Variants in MYO9B observed in about 807,000 individuals in gnomAD.
MYO9B encodes the protein myosin IXB, also known as unconventional myosin-IXb.
A neutral mutation model predicts 229.5 loss-of-function variants in MYO9B; 71 were observed. The observed-to-expected ratio is 0.31, with a 90% CI of 0.26 to 0.38. The LOEUF (loss-of-function observed/expected upper bound fraction) is 0.38, where lower values mean the gene tolerates loss of function less well. MYO9B is among the 10% of genes least tolerant of loss of function. The pLI is 1.00. For missense variants in MYO9B, 2,255 were observed against 2,920.5 expected, an observed-to-expected ratio of 0.77 and a Z score of 5.25; for synonymous variants, 1,185 against 1,235.8, an observed-to-expected ratio of 0.96 and a Z score of 0.86.
intron 2 of MYO9B, among the ~76,000 whole-genome samples, chr19:17,130,600 A>G (rs2072183135): frequency 6.6e-6 from 1 of 151,392 alleles, no homozygotes; most frequent in Admixed American, 6.6e-5. Flanking sequence ...AGCCTGGGTG[A>G]CAGAGCGAGA....
At chr19:17,094,165 A>G (rs2057666860) in intron 1 of MYO9B, among the ~76,000 whole-genome samples, 1 of 152,072 alleles carries the variant, frequency 6.6e-6, no homozygotes, top group South Asian at 2.1e-4. Context: ...CCTCCCGAGT[A>G]GCTGGGATTA....
intron 22 of MYO9B, among the ~76,000 whole-genome samples, chr19:17,197,080 A>G (rs2073050988): frequency 2.0e-5 from 3 of 152,088 alleles, no homozygotes; most frequent in Admixed American, 2.0e-4. Flanking sequence ...GTTTGAGACC[A>G]TCCTGGCCAA....
In MYO9B at chr19:17,211,972, C is replaced by G. The variant is rs369080977; in HGVS notation, c.6136C>G (p.Arg2046Gly). 1.3e-6 allele frequency: 2 copies of G among 1,580,628 alleles called. No homozygotes were observed. The highest frequency in any genetic ancestry group is 1.7e-6 in the Non-Finnish European group (2 of 1,165,054). The change falls in exon 40 of 40, where the codon CGA becomes GGA. Residue 2046 changes from arginine (R) to glycine (G), a missense_variant. Physicochemically the swap from Arg to Gly is moderately radical, Grantham distance 125. This residue lies in a region of MYO9B where 331 missense variants were observed against 332.5 expected (regional missense o/e 1.00). Coordinates refer to ENST00000682292, the MANE Select transcript of MYO9B (RefSeq NM_004145.4). ...PLPTVAAPPR[R>G]RPSSFVTVRV... is the part of the protein sequence containing the mutation. ...CCCCACCGTGGCCGCCCCTCCACGA[C>G]GAAGGCCGTCGTCCTTCGTAACGGT... is the stretch of plus-strand genomic sequence containing the variant.
chr19:17,152,185 A>AC (rs1491209578), intron 3 of MYO9B, among the ~76,000 whole-genome samples: 2 of 140,714 alleles, frequency 1.4e-5, no homozygotes, highest in Non-Finnish European at 3.1e-5. Context: ...AGACTCCATC[A>AC]CAAAAAAAAA....
chr19:17,199,196 C>T (rs1362862617), intron 24 of MYO9B, among the ~76,000 whole-genome samples: 1 of 144,178 alleles, frequency 6.9e-6, no homozygotes, highest in Non-Finnish European at 1.5e-5. Flanking sequence ...GAATGACACT[C>T]TGTCTCAAAA....
At chr19:17,196,762 G>A (rs1301223916) in intron 22 of MYO9B, among the ~76,000 whole-genome samples, 5 of 152,004 alleles carry the variant, frequency 3.3e-5, no homozygotes, top group Non-Finnish European at 5.9e-5. Context: ...AAGATAGGTA[G>A]GTAGAGACAA....
At chr19:17,146,434 G>A (rs983086568) in intron 3 of MYO9B, among the ~76,000 whole-genome samples, 1 of 151,970 alleles carries the variant, frequency 6.6e-6, no homozygotes, top group Non-Finnish European at 1.5e-5. Flanking sequence ...TGGGTGAGTG[G>A]ATTCACAGGT....
At chr19:17,086,871 C>G (rs907739757) in intron 1 of MYO9B, among the ~76,000 whole-genome samples, 2 of 92,580 alleles carry the variant, frequency 2.2e-5, no homozygotes, top group Non-Finnish European at 4.0e-5. Flanking sequence ...CAGAGCAAGA[C>G]TTCGTCTCAA....
chr19:17,176,007 T>G (rs1168385950), intron 14 of MYO9B, among the ~76,000 whole-genome samples: 1 of 150,324 alleles, frequency 6.7e-6, no homozygotes, highest in African/African-American at 2.4e-5. Context: ...TAATTTTGTT[T>G]TGTTTTGTTT....
At chr19:17,191,844 C>T (rs935993040) in intron 20 of MYO9B, among the ~76,000 whole-genome samples, 6 of 152,060 alleles carry the variant, frequency 3.9e-5, no homozygotes, top group Non-Finnish European at 7.4e-5. Context: ...AGCGTGGTGG[C>T]ATGCACCTGT....
At chr19:17,076,388 G>T (rs1249693233) in intron 1 of MYO9B, among the ~76,000 whole-genome samples, 1 of 152,090 alleles carries the variant, frequency 6.6e-6, no homozygotes, top group Non-Finnish European at 1.5e-5. Flanking sequence ...GGGGGGTTCT[G>T]AACTAACTGA....
chr19:17,188,428 CAAAAAAAAAAA>C (rs1182917762), intron 19 of MYO9B, among the ~76,000 whole-genome samples: 2 of 92,554 alleles, frequency 2.2e-5, no homozygotes, highest in African/African-American at 8.3e-5. Context: ...GACTCCATCT[CAAAAAAAAAAA>C]AAAAAAAAAA....
At position 17,195,554 on chromosome 19, in the gene MYO9B, G is replaced by T. The variant is rs1001476109; in HGVS notation, c.4046+81G>T. The T allele has an allele frequency of 2.7e-6, 4 of 1,490,742 alleles. No homozygotes were observed. In the African/African-American group the frequency reaches 5.5e-5, roughly 21 times the overall value. The allele number at this position is 1,490,742 out of a possible 1,614,324, so 92.3% of individuals were successfully genotyped here. A position where few individuals can be genotyped will look rare whatever the true frequency, so the allele number is the denominator to read the frequency against. On this transcript the variant is annotated intron_variant, in intron 22 of 39. Transcript: ENST00000682292. This position sits in a 1 kb window ranked among gnomAD's most constrained non-coding sequence, Gnocchi z 4.5. ...GCCAGGGGCAGTGCCACACATCCTG[G>T]AAACACATGTGTAATCATGCCCAGT...
intron 4 of MYO9B, among the ~76,000 whole-genome samples, chr19:17,153,363 G>A (rs765118023): frequency 6.8e-6 from 1 of 147,806 alleles, no homozygotes; most frequent in East Asian, 2.0e-4. Context: ...CACCACGCCC[G>A]GCTAGAGTCC....
At chr19:17,116,986 TAAGAG>T (rs2057910748) in intron 2 of MYO9B, among the ~76,000 whole-genome samples, 1 of 152,182 alleles carries the variant, frequency 6.6e-6, no homozygotes, top group Non-Finnish European at 1.5e-5. Context: ...ATGCTGCATC[TAAGAG>T]AAGAGTGAAA....
At chr19:17,130,223 C>A (rs1599353395) in intron 2 of MYO9B, among the ~76,000 whole-genome samples, 1 of 152,242 alleles carries the variant, frequency 6.6e-6, no homozygotes, top group Non-Finnish European at 1.5e-5. Flanking sequence ...GTAATCCCAG[C>A]ACTTTGGGAG....
chr19:17,168,104 A>C (rs746468327), intron 11 of MYO9B, 40 bp downstream of exon 11: 1 of 1,606,600 alleles, frequency 6.2e-7, no homozygotes, highest in Non-Finnish European at 8.5e-7. Flanking sequence ...ACATCTACGC[A>C]TGGGCACTGG....
At chr19:17,078,724 C>T (rs375851861) in intron 1 of MYO9B, among the ~76,000 whole-genome samples, 5 of 152,140 alleles carry the variant, frequency 3.3e-5, no homozygotes, top group Admixed American at 1.3e-4. Context: ...AAAGATACCA[C>T]GTGTTAAACC....
intron 1 of MYO9B, among the ~76,000 whole-genome samples, chr19:17,079,171 C>T (rs963543661): frequency 2.0e-5 from 3 of 152,216 alleles, no homozygotes; most frequent in African/African-American, 7.2e-5. Context: ...TTAGTAAAAC[C>T]TGGTTCCCCT....
Sources: gnomAD v4.1 joint callset for allele counts (sites outside exome capture counted in the v4.1 genomes callset) on GRCh38, gnomAD v4.1.1 for gene constraint, gnomAD v4.1.1 regional missense constraint, Gnocchi (gnomAD v3.1) non-coding constraint, MANE v1.5 for transcripts, NCBI Gene and HGNC (gene_info 2026-07-23, HGNC 2026-07-21) for gene names.